SLC4A10: variants seen among roughly 807,000 people sequenced by gnomAD.
The protein encoded by SLC4A10 is sodium-driven chloride bicarbonate exchanger.
Under a neutral mutation model 137.7 loss-of-function variants are expected in SLC4A10, and 42 were observed. That is an observed-to-expected ratio of 0.30 (90% CI 0.24 to 0.39). The LOEUF (loss-of-function observed/expected upper bound fraction) is 0.39, where lower values mean the gene tolerates loss of function less well. Among genes scored for constraint, SLC4A10 ranks in the 10% least tolerant of loss-of-function variants. SLC4A10 has a pLI of 1.00. For synonymous variants in SLC4A10, 474 were observed against 464.1 expected (o/e 1.02, Z -0.27); for missense variants, 925 against 1,355.0 (o/e 0.68, Z 4.98).
intron 1 of SLC4A10, among the ~76,000 whole-genome samples, chr2:161,730,220 C>T (rs1363393623): frequency 6.6e-6 from 1 of 152,098 alleles, no homozygotes; most frequent in African/African-American, 2.4e-5. Flanking sequence ...TAAACATGTA[C>T]TTGACAAAGA....
intron 3 of SLC4A10, among the ~76,000 whole-genome samples, chr2:161,817,487 A>G (rs963157628): frequency 6.6e-6 from 1 of 152,132 alleles, no homozygotes; most frequent in African/African-American, 2.4e-5. Flanking sequence ...TAGTTTAATT[A>G]GATCCCATTT....
At chr2:161,748,046 C>T (rs999521558) in intron 1 of SLC4A10, among the ~76,000 whole-genome samples, 9 of 151,934 alleles carry the variant, frequency 5.9e-5, no homozygotes, top group African/African-American at 1.2e-4. Flanking sequence ...TATATCTGCT[C>T]GTCATTTTTA....
At chr2:161,682,351 T>G (rs1157320723) in intron 1 of SLC4A10, among the ~76,000 whole-genome samples, 1 of 152,168 alleles carries the variant, frequency 6.6e-6, no homozygotes, top group African/African-American at 2.4e-5. Context: ...TGTCATCAAA[T>G]CAGTGAGTAT....
chr2:161,669,172 C>A (rs1043158269), intron 1 of SLC4A10, among the ~76,000 whole-genome samples: 19 of 151,856 alleles, frequency 1.3e-4, no homozygotes, highest in African/African-American at 4.6e-4. Context: ...TTTTAGCCCA[C>A]TAGTTTGACT....
At chr2:161,694,472 TA>T (rs60022977) in intron 1 of SLC4A10, among the ~76,000 whole-genome samples, 97,682 of 146,838 alleles carry the variant, frequency 0.67, 32,633 homozygotes, top group Admixed American at 0.75. Context: ...AGCAGATTGT[TA>T]AAAAAAAAAA....
intron 15 of SLC4A10, among the ~76,000 whole-genome samples, chr2:161,923,959 A>G (rs1473401453): frequency 6.6e-6 from 1 of 152,164 alleles, no homozygotes; most frequent in Non-Finnish European, 1.5e-5. Flanking sequence ...TTGGATTTGA[A>G]TGAACATAGG....
At chr2:161,695,375 G>C (rs773296581) in intron 1 of SLC4A10, among the ~76,000 whole-genome samples, 5 of 151,958 alleles carry the variant, frequency 3.3e-5, no homozygotes, top group Non-Finnish European at 7.4e-5. Context: ...TTCTTGGAGG[G>C]AAAGAGAGAA....
chr2:161,642,777 T>C (rs536184744), intron 1 of SLC4A10, among the ~76,000 whole-genome samples: 2 of 152,114 alleles, frequency 1.3e-5, no homozygotes, highest in Non-Finnish European at 2.9e-5. Context: ...TATCTTCATG[T>C]AGATGATCCA....
At chr2:161,741,300 G>T (rs142024871) in intron 1 of SLC4A10, among the ~76,000 whole-genome samples, 371 of 146,364 alleles carry the variant, frequency 2.5e-3, no homozygotes, top group African/African-American at 8.8e-3. Context: ...ACAGTCCTCC[G>T]CTCTACCAAC....
At chr2:161,893,538 A>T (rs912621364) in intron 10 of SLC4A10, among the ~76,000 whole-genome samples, 1 of 152,078 alleles carries the variant, frequency 6.6e-6, no homozygotes, top group Admixed American at 6.6e-5. Flanking sequence ...TCTACAAGAA[A>T]TTTTTTAAAA....
chr2:161,714,005 G>A (rs2044578799), intron 1 of SLC4A10, among the ~76,000 whole-genome samples: 1 of 151,540 alleles, frequency 6.6e-6, no homozygotes, highest in Non-Finnish European at 1.5e-5. Context: ...CAGTATAAAT[G>A]ATCCATAAAA....
chr2:161,646,768 C>T (rs1289671985), intron 1 of SLC4A10, among the ~76,000 whole-genome samples: 1 of 151,888 alleles, frequency 6.6e-6, no homozygotes, highest in African/African-American at 2.4e-5. Flanking sequence ...CAAAATTAGA[C>T]ATATCCAGTG....
chr2:161,824,609 C>A (rs1287117784), intron 3 of SLC4A10, among the ~76,000 whole-genome samples: 1 of 152,022 alleles, frequency 6.6e-6, no homozygotes, highest in Non-Finnish European at 1.5e-5. Context: ...TAAACCAGCG[C>A]CAGAAGATAA....
Position 161,748,949 on chromosome 2 carries a change from T to C in SLC4A10, c.49-22024T>C, listed in dbSNP as rs114424518. 6.4e-3 allele frequency among the ~76,000 whole-genome samples: 979 copies of C among 152,194 alleles called. 11 individuals are homozygous for C. The highest frequency in any genetic ancestry group is 0.021 in the African/African-American group (853 of 41,578). The stretch of plus-strand genomic sequence containing the variant: ...TTCCATTTAATTGTGTCTTCTTCAA[T>C]ATTTTTTTAACATTTTATAGTTTTC... On this transcript the variant is annotated intron_variant, in intron 1 of 26. Coordinates refer to ENST00000446997, the MANE Select transcript of SLC4A10 (RefSeq NM_001178015.2).
At chr2:161,684,882 G>A (rs968982726) in intron 1 of SLC4A10, among the ~76,000 whole-genome samples, 2 of 152,140 alleles carry the variant, frequency 1.3e-5, no homozygotes, top group Admixed American at 1.3e-4. Flanking sequence ...AGGTGGTATA[G>A]CCAGAAATAG....
chr2:161,909,556 A>T (rs1187891950), intron 15 of SLC4A10, among the ~76,000 whole-genome samples: 5 of 152,130 alleles, frequency 3.3e-5, no homozygotes, highest in African/African-American at 1.2e-4. Flanking sequence ...GTCTCATGGG[A>T]AATGGGGTCT....
intron 23 of SLC4A10, 123 bp downstream of exon 23, chr2:161,965,296 C>A: frequency 1.1e-6 from 1 of 896,154 alleles, no homozygotes; most frequent in Non-Finnish European, 1.6e-6. Flanking sequence ...TCACTAACAA[C>A]CACAAGTAGA....
chr2:161,900,859 A>C, intron 11 of SLC4A10, 52 bp from the exon 12 acceptor site: 1 of 1,250,224 alleles, frequency 8.0e-7, no homozygotes, highest in Non-Finnish European at 1.1e-6. Context: ...ATTTACAATT[A>C]ACACCTGAAA....
intron 4 of SLC4A10, among the ~76,000 whole-genome samples, chr2:161,847,821 T>G (rs1463090748): frequency 6.6e-6 from 1 of 152,206 alleles, no homozygotes; most frequent in African/African-American, 2.4e-5. Context: ...TTGTGAATAG[T>G]GCTGCAATGA....
Sources: gnomAD v4.1 joint callset for allele counts (sites outside exome capture counted in the v4.1 genomes callset) on GRCh38, gnomAD v4.1.1 for gene constraint, MANE v1.5 for transcripts, NCBI Gene and HGNC (gene_info 2026-07-23, HGNC 2026-07-21) for gene names.